ZNF106: variants seen among roughly 807,000 people sequenced by gnomAD.
ZNF106 encodes zinc finger protein 106.
A neutral mutation model predicts 195.1 loss-of-function variants in ZNF106; 67 were observed. The ratio of observed to expected loss-of-function variants is 0.34; its 90% CI spans 0.28 to 0.42. ZNF106 has a LOEUF of 0.42. ZNF106 is among the 10% of genes least tolerant of loss of function. The pLI, the probability that ZNF106 is intolerant of heterozygous loss-of-function variation, is 1.00. For synonymous variants in ZNF106, 784 were observed against 818.6 expected (o/e 0.96, Z 0.72); for missense variants, 2,118 against 2,304.5 (o/e 0.92, Z 1.66).
At position 42,451,814 on chromosome 15, in the gene ZNF106, C is replaced by T. The variant is rs560107884; in HGVS notation, c.458G>A (p.Arg153Gln). 24 of 1,614,196 alleles carry T rather than the reference C, an allele frequency of 1.5e-5. No homozygotes were observed. Among genetic ancestry groups the T allele is most frequent in the Admixed American group, 6.7e-5 (4 of 60,030 alleles). ...GCCATCTTTTTCCCATTTCCAATCC[C>T]GCTGTGGAGGTCCACGATGATGCCA... is the stretch of plus-strand genomic sequence containing the variant. ...PAWHHRGPPQRDWKWEKDGFN... is the reference protein window; with the variant it reads ...PAWHHRGPPQQDWKWEKDGFN... Residue 153 changes from arginine to glutamine, a missense_variant, in exon 5 of 22, where the codon CGG becomes CAG. Transcript: ENST00000564754.
chr15:42,419,660 A>C (rs2054586591), intron 20 of ZNF106, among the ~76,000 whole-genome samples: 1 of 152,204 alleles, frequency 6.6e-6, no homozygotes, highest in African/African-American at 2.4e-5. Context: ...TATTTCTTAA[A>C]AGTAATGCAG....
Position 42,422,505 on chromosome 15 carries a change from A to G in ZNF106, c.5369T>C (p.Leu1790Ser), listed in dbSNP as rs763118343. 6 of 1,612,166 alleles carry G rather than the reference A, an allele frequency of 3.7e-6. No individual in the cohort carries two copies. In the South Asian group the frequency reaches 6.6e-5, roughly 18 times the overall value. ...AATACTGAATCTAAATTCTACCTGTAATTCATAGACACGAACAAATTTATC... is the reference window on the plus strand; with the variant it reads ...AATACTGAATCTAAATTCTACCTGTGATTCATAGACACGAACAAATTTATC... ...CLDKFVRVYE[L>S]QSHDRLQVYG... is the part of the protein sequence containing the mutation. The change falls in exon 18 of 22, where the codon TTA becomes TCA. Residue 1790 changes from leucine to serine, a missense_variant. Physicochemically the swap from Leu to Ser is moderately radical, Grantham distance 145. Transcript: ENST00000564754.
rs2055780488 is a variant in ZNF106 at position 42,446,593 on chromosome 15, T to G, written c.3201A>C (p.Lys1067Asn). ...RKNKRRKIKG[K>N]KERSQVDQLL... Reference sequence around the variant, plus strand: ...CCAAAATATTCTGCACCATACCTTTTTTTCCTTTAATTTTCCTTCTTTTAT... The same window carrying G: ...CCAAAATATTCTGCACCATACCTTTGTTTCCTTTAATTTTCCTTCTTTTAT... Residue 1067 changes from lysine (K) to asparagine (N), a missense_variant, in exon 7 of 22, where the codon AAA becomes AAC. By Grantham distance (94) the Lys-to-Asn change is moderately conservative. Coordinates refer to ENST00000564754, the MANE Select transcript of ZNF106 (RefSeq NM_001366845.3). 1.3e-6 allele frequency: 2 copies of G among 1,594,110 alleles called. No homozygotes were observed. Among genetic ancestry groups the G allele is most frequent in the South Asian group, 2.3e-5 (2 of 88,772 alleles).
In ZNF106 at chr15:42,421,872, A is replaced by T. The variant is rs567421023; in HGVS notation, c.5445+45T>A. ...TTGGAAGTGACAAGAATTTTTTAGCAAACACATTCAAAAGCAAATATCTTA... is the reference window on the plus strand; with the variant it reads ...TTGGAAGTGACAAGAATTTTTTAGCTAACACATTCAAAAGCAAATATCTTA... On this transcript the variant is annotated intron_variant, in intron 19 of 21. Coordinates refer to ENST00000564754, the MANE Select transcript of ZNF106 (RefSeq NM_001366845.3). 1.3e-5 allele frequency: 19 copies of T among 1,474,048 alleles called. No homozygotes were observed. In the South Asian group the frequency reaches 2.6e-4, roughly 20 times the overall value. 91.3% of individuals were successfully genotyped at this position (1,474,048 alleles called of 1,614,324 possible).
intron 2 of ZNF106, among the ~76,000 whole-genome samples, chr15:42,468,673 G>T (rs2056589624): frequency 6.6e-6 from 1 of 151,716 alleles, no homozygotes; most frequent in South Asian, 2.1e-4. Flanking sequence ...AACCCAGGAG[G>T]CGGAGGTTGC....
chr15:42,429,470 A>C (rs2054977883), intron 14 of ZNF106, among the ~76,000 whole-genome samples: 1 of 151,652 alleles, frequency 6.6e-6, no homozygotes, highest in African/African-American at 2.4e-5. Flanking sequence ...TTGTTGAATG[A>C]TACTGAAGAC....
At chr15:42,462,654 T>C (rs180685986) in intron 3 of ZNF106, among the ~76,000 whole-genome samples, 45 of 152,286 alleles carry the variant, frequency 3.0e-4, no homozygotes, top group African/African-American at 9.9e-4. Context: ...CTGGATAGGA[T>C]ACGCACCAAC....
At chr15:42,472,197 T>C (rs750748695) in intron 2 of ZNF106, 39 bp downstream of exon 2, 105 of 1,513,924 alleles carry the variant, frequency 6.9e-5, no homozygotes, top group Non-Finnish European at 8.0e-5. Flanking sequence ...CTTTAAAAAA[T>C]AGTCATAAAG....
intron 1 of ZNF106, among the ~76,000 whole-genome samples, chr15:42,477,111 TTAA>T (rs1257068357): frequency 1.3e-5 from 2 of 152,182 alleles, no homozygotes; most frequent in Non-Finnish European, 2.9e-5. Context: ...TATGGGTTTG[TTAA>T]TATTATTAAT....
intron 1 of ZNF106, among the ~76,000 whole-genome samples, chr15:42,489,577 C>T (rs1281676879): frequency 2.6e-5 from 4 of 152,104 alleles, no homozygotes; most frequent in South Asian, 2.1e-4. Flanking sequence ...CTAGGCATGG[C>T]GCGGTATTGG....
intron 1 of ZNF106, among the ~76,000 whole-genome samples, chr15:42,487,781 A>G (rs527309305): frequency 2.6e-5 from 4 of 152,282 alleles, no homozygotes; most frequent in African/African-American, 9.6e-5. Context: ...TCCATTAAAC[A>G]ATAACTCATT....
chr15:42,479,289 G>C (rs146614795), intron 1 of ZNF106, among the ~76,000 whole-genome samples: 4 of 152,016 alleles, frequency 2.6e-5, no homozygotes, highest in African/African-American at 9.7e-5. Context: ...CAGGAGAATC[G>C]CTTGAACCCA....
In ZNF106 at chr15:42,450,635, G is replaced by A; in HGVS notation, c.1637C>T (p.Ser546Phe). 1 of 1,614,166 alleles carries A rather than the reference G, an allele frequency of 6.2e-7. No homozygotes were observed. The highest frequency in any genetic ancestry group is 1.1e-5 in the South Asian group (1 of 91,082). ...TAAATTATCACCAGATTGCTTTTGA[G>A]AGCCAAATGTACTTTTATTCCCTTT... ...VLKGNKSTFG[S>F]QKQSGDNLND... Residue 546 changes from serine (S) to phenylalanine (F), a missense_variant, in exon 5 of 22, where the codon TCT becomes TTT. Coordinates refer to ENST00000564754, the MANE Select transcript of ZNF106 (RefSeq NM_001366845.3).
intron 10 of ZNF106, among the ~76,000 whole-genome samples, chr15:42,441,209 G>A (rs2055524691): frequency 6.7e-6 from 1 of 149,624 alleles, no homozygotes; most frequent in South Asian, 2.1e-4. Context: ...CGGGCATGGT[G>A]GCAGGCATCT....
chr15:42,450,521 T>C lies in ZNF106; in HGVS notation c.1751A>G (p.Asn584Ser), dbSNP rs566611272. 12 of 1,614,208 alleles carry C rather than the reference T, an allele frequency of 7.4e-6. No homozygotes were observed. The Admixed American group carries it at 1.3e-4, about 18-fold the overall frequency. Residue 584 changes from asparagine (N) to serine (S), a missense_variant, in exon 5 of 22, where the codon AAC (asparagine) becomes AGC (serine). Transcript: ENST00000564754. ...PLLSTSKSTR[N>S]YAKASRNVEE... ...TACATTTCTACTTGCTTTTGCATAG[T>C]TCCTGGTACTTTTAGAAGTGCTAAG...
intron 2 of ZNF106, among the ~76,000 whole-genome samples, chr15:42,469,510 C>T (rs2056614228): frequency 6.6e-6 from 1 of 152,030 alleles, no homozygotes. Flanking sequence ...GGAATGAATA[C>T]AAACATTGAG....
chr15:42,487,369 TC>T (rs758384642), intron 1 of ZNF106, among the ~76,000 whole-genome samples: 2 of 150,928 alleles, frequency 1.3e-5, no homozygotes, highest in African/African-American at 2.4e-5. Context: ...GCACCTGTAG[TC>T]CCAGCTACTA....
intron 15 of ZNF106, among the ~76,000 whole-genome samples, chr15:42,426,584 T>TTTTTTTTA (rs2054867546): frequency 6.8e-6 from 1 of 147,624 alleles, no homozygotes. Context: ...TTTTTTTTTT[T>TTTTTTTTA]GAGAAACAGA....
At chr15:42,479,456 A>G (rs2056853749) in intron 1 of ZNF106, among the ~76,000 whole-genome samples, 1 of 152,214 alleles carries the variant, frequency 6.6e-6, no homozygotes, top group Non-Finnish European at 1.5e-5. Flanking sequence ...TGAGAATTAC[A>G]GCCCAGCATC....
Sources: gnomAD v4.1 joint callset for allele counts (sites outside exome capture counted in the v4.1 genomes callset) on GRCh38, gnomAD v4.1.1 for gene constraint, MANE v1.5 for transcripts, NCBI Gene and HGNC (gene_info 2026-07-23, HGNC 2026-07-21) for gene names.